Variants in CCDC85C observed in about 807,000 individuals in gnomAD.
CCDC85C encodes coiled-coil domain-containing protein 85C.
A neutral mutation model predicts 38.3 loss-of-function variants in CCDC85C; 18 were observed. That is an observed-to-expected ratio of 0.47 (90% CI 0.33 to 0.70). CCDC85C has a LOEUF of 0.70. CCDC85C is among the 30% of genes least tolerant of loss of function. CCDC85C has a pLI of 0.03. For synonymous variants in CCDC85C, 264 were observed against 293.8 expected (o/e 0.90, Z 1.04); for missense variants, 566 against 621.2 (o/e 0.91, Z 0.94).
Position 99,500,612 on chromosome 14 carries a change from A to G in CCDC85C, c.*14634T>C. The stretch of plus-strand genomic sequence containing the variant: ...TCAGAATTTATCAGTGTCTCTGAGC[A>G]TGTTAAAAGTCTGAGTGGGAGAGAA... On this transcript the variant is annotated 3_prime_UTR_variant, in exon 6 of 6. Transcript: ENST00000380243. 3.2e-6 allele frequency: 2 copies of G among 625,736 alleles called. No homozygotes were observed. The highest frequency in any genetic ancestry group is 5.7e-6 in the Non-Finnish European group (2 of 350,086). 38.8% of individuals were successfully genotyped at this position (625,736 alleles called of 1,614,324 possible).
intron 1 of CCDC85C, among the ~76,000 whole-genome samples, chr14:99,560,636 G>C (rs192415421): frequency 1.3e-5 from 2 of 152,250 alleles, no homozygotes; most frequent in African/African-American, 4.8e-5. Flanking sequence ...CACTGGAGGA[G>C]GGTGCAGAGT....
intron 1 of CCDC85C, among the ~76,000 whole-genome samples, chr14:99,539,402 G>A (rs1272334754): frequency 1.3e-5 from 2 of 149,816 alleles, no homozygotes; most frequent in East Asian, 2.0e-4. Flanking sequence ...CCTGGGAGGC[G>A]GGGGTTGCAG....
chr14:99,521,262 G>A (rs547550857), intron 3 of CCDC85C, among the ~76,000 whole-genome samples: 2 of 152,312 alleles, frequency 1.3e-5, no homozygotes, highest in African/African-American at 4.8e-5. Context: ...TTGGAATATC[G>A]GCCATTGGCG....
chr14:99,522,493 A>T (rs1195923193), intron 2 of CCDC85C: 9 of 369,220 alleles, frequency 2.4e-5, no homozygotes, highest in Admixed American at 1.8e-4. Context: ...CTGAATAAAC[A>T]GAATGAATGA....
chr14:99,515,375 G>A (rs186918418), intron 5 of CCDC85C, 40 bp from the exon 6 acceptor site: 117 of 1,421,582 alleles, frequency 8.2e-5, no homozygotes, highest in Admixed American at 4.0e-4. Flanking sequence ...GGACTCACCC[G>A]CGTCCACCTG....
At position 99,502,127 on chromosome 14, in the gene CCDC85C, A is replaced by T; in HGVS notation, c.*13119T>A. On this transcript the variant is annotated 3_prime_UTR_variant, in exon 6 of 6. Coordinates refer to ENST00000380243, the MANE Select transcript of CCDC85C (RefSeq NM_001144995.2). ...GGGGAGAATAAGCAAATTAATGGTTAGTTATGGCATCTCCATGCACTGGTT... is the reference window on the plus strand; with the variant it reads ...GGGGAGAATAAGCAAATTAATGGTTTGTTATGGCATCTCCATGCACTGGTT... 1 of 1,378,790 alleles carries T rather than the reference A, an allele frequency of 7.3e-7. No homozygotes were observed. Among genetic ancestry groups the T allele is most frequent in the Non-Finnish European group, 9.6e-7 (1 of 1,043,768 alleles). 85.4% of individuals were successfully genotyped at this position (1,378,790 alleles called of 1,614,324 possible).
rs1012765149 is a variant in CCDC85C at position 99,515,276 on chromosome 14, C to G, written c.1230G>C (p.Leu410=). 3.9e-6 allele frequency: 6 copies of G among 1,550,730 alleles called. No individual in the cohort carries two copies. In the African/African-American group the frequency reaches 8.2e-5, roughly 21 times the overall value. The stretch of plus-strand genomic sequence containing the variant: ...AAGGCCCCTTGAACTGGTTCCCAGA[C>G]AGGTGCTGCCGTATGGAGGGCTTGG... ...ASSKPSIRQH[L]SGNQFKGPL Residue 410 remains leucine (L), a synonymous_variant, in exon 6 of 6, where the codon CTG becomes CTC. Coordinates refer to ENST00000380243, the MANE Select transcript of CCDC85C (RefSeq NM_001144995.2).
rs896559277 is a variant in CCDC85C, at chr14:99,520,718, C to T, written c.975+1415G>A. On this transcript the variant is annotated intron_variant, in intron 3 of 5. Transcript: ENST00000380243. The surrounding 1 kb of genome is among the most constrained non-coding windows in gnomAD (Gnocchi z 4.1). The stretch of plus-strand genomic sequence containing the variant: ...CACGCTGGCCCCTGACCTCTAGGCA[C>T]ACACAGGCACCAGGACGCACTCACC... 6.6e-6 allele frequency among the ~76,000 whole-genome samples: 1 copy of T among 152,182 alleles called. No individual in the cohort carries two copies. Among genetic ancestry groups the T allele is most frequent in the Non-Finnish European group, 1.5e-5 (1 of 68,032 alleles).
chr14:99,599,216 C>A (rs1165581458), intron 1 of CCDC85C, among the ~76,000 whole-genome samples: 1 of 152,126 alleles, frequency 6.6e-6, no homozygotes, highest in Non-Finnish European at 1.5e-5. Flanking sequence ...GAGAACAAAC[C>A]TGTCTCATTT....
chr14:99,510,089 G>T lies in CCDC85C; in HGVS notation c.*5157C>A. Reference sequence around the variant, plus strand: ...TCCTCTGTAAAGATGGCCCTGAAGGGCCAGGAGGCACTGAAAAAGCAACCA... The same window carrying T: ...TCCTCTGTAAAGATGGCCCTGAAGGTCCAGGAGGCACTGAAAAAGCAACCA... On this transcript the variant is annotated 3_prime_UTR_variant, in exon 6 of 6. Transcript: ENST00000380243. The T allele has an allele frequency of 2.0e-6, 3 of 1,484,948 alleles. No homozygotes were observed. The highest frequency in any genetic ancestry group is 2.7e-6 in the Non-Finnish European group (3 of 1,109,900). The allele number at this position is 1,484,948 out of a possible 1,614,324, so 92.0% of individuals were successfully genotyped here.
chr14:99,522,075 C>T (rs934793976), intron 3 of CCDC85C, 58 bp downstream of exon 3: 42 of 1,379,090 alleles, frequency 3.0e-5, no homozygotes, highest in Middle Eastern at 1.8e-4. Context: ...GTCACTGGCC[C>T]GCCTGAGCCT....
chr14:99,515,414 C>T (rs1897206597), intron 5 of CCDC85C, 79 bp from the exon 6 acceptor site: 36 of 1,056,854 alleles, frequency 3.4e-5, no homozygotes, highest in East Asian at 2.3e-4. Flanking sequence ...CGCCTCATCA[C>T]GGCAGAATCA....
chr14:99,505,251 T>C lies in CCDC85C; in HGVS notation c.*9995A>G, dbSNP rs1896945962. 1 of 152,280 alleles carries C rather than the reference T, an allele frequency of 6.6e-6. No individual in the cohort carries two copies. The highest frequency in any genetic ancestry group is 6.5e-5 in the Admixed American group (1 of 15,288). The allele number at this position is 152,280 out of a possible 1,614,324, so 9.4% of individuals were successfully genotyped here. A position where few individuals can be genotyped will look rare whatever the true frequency, so the allele number is the denominator to read the frequency against. On this transcript the variant is annotated 3_prime_UTR_variant, in exon 6 of 6. Coordinates refer to ENST00000380243, the MANE Select transcript of CCDC85C (RefSeq NM_001144995.2). ...GGCACTCATGGGAAACATGGTGGCC[T>C]CAGCATGCTGGCTGCGGGGCAGGAA...
Position 99,501,952 on chromosome 14 carries a change from A to C in CCDC85C, c.*13294T>G, listed in dbSNP as rs1308284503. Reference sequence around the variant, plus strand: ...AGTTTAAATAACATAAGTCATTTTCATTGGTGTAGCAATTTTTGGATGTGC... The same window carrying C: ...AGTTTAAATAACATAAGTCATTTTCCTTGGTGTAGCAATTTTTGGATGTGC... On this transcript the variant is annotated 3_prime_UTR_variant, in exon 6 of 6. Transcript: ENST00000380243. 4 of 337,702 alleles carry C rather than the reference A, an allele frequency of 1.2e-5. No individual in the cohort carries two copies. The highest frequency in any genetic ancestry group is 2.1e-5 in the Non-Finnish European group (4 of 188,288). The allele number at this position is 337,702 out of a possible 1,614,324, so 20.9% of individuals were successfully genotyped here. A position where few individuals can be genotyped will look rare whatever the true frequency, so the allele number is the denominator to read the frequency against.
At chr14:99,519,752 G>A (rs1230399396) in intron 3 of CCDC85C, among the ~76,000 whole-genome samples, 1 of 152,240 alleles carries the variant, frequency 6.6e-6, no homozygotes, top group Admixed American at 6.5e-5. Flanking sequence ...CAGGGTACCT[G>A]TGGCTGGACC....
chr14:99,567,858 G>T (rs930450217), intron 1 of CCDC85C, among the ~76,000 whole-genome samples: 4 of 152,192 alleles, frequency 2.6e-5, no homozygotes, highest in African/African-American at 9.6e-5. Flanking sequence ...AAATGCACAT[G>T]CCTGTCTCCA....
intron 1 of CCDC85C, among the ~76,000 whole-genome samples, chr14:99,566,335 C>T (rs974547631): frequency 5.3e-5 from 8 of 152,202 alleles, no homozygotes; most frequent in Admixed American, 3.9e-4. Flanking sequence ...CCCTGTTTTA[C>T]AGGTGGGGAA....
At chr14:99,586,542 C>T (rs946614454) in intron 1 of CCDC85C, among the ~76,000 whole-genome samples, 2 of 152,226 alleles carry the variant, frequency 1.3e-5, no homozygotes, top group African/African-American at 4.8e-5. Context: ...ATGTGACATG[C>T]CATGGGCTTG....
Position 99,516,852 on chromosome 14 carries a change from G to T in CCDC85C, c.1071+236C>A, listed in dbSNP as rs1897234041. Among the ~76,000 whole-genome samples, 2 of 152,050 alleles carry T rather than the reference G, an allele frequency of 1.3e-5. No individual in the cohort carries two copies. The highest frequency in any genetic ancestry group is 4.8e-5 in the African/African-American group (2 of 41,378). ...TGGGTGCCTGCCCTCCCCGACCCCA[G>T]GCCTCAGTCTTGTTAGGTGCAGTAG... On this transcript the variant is annotated intron_variant, in intron 4 of 5. Transcript: ENST00000380243. This position sits in a 1 kb window ranked among gnomAD's most constrained non-coding sequence, Gnocchi z 5.5.
Sources: allele counts gnomAD v4.1 joint callset (sites outside exome capture counted in the v4.1 genomes callset), GRCh38; gene constraint gnomAD v4.1.1; non-coding constraint Gnocchi (gnomAD v3.1); transcripts MANE v1.5; gene names NCBI Gene and HGNC (gene_info 2026-07-23, HGNC 2026-07-21).